Variants in QSOX1 observed in about 807,000 individuals in gnomAD.
The protein encoded by QSOX1 is sulfhydryl oxidase 1.
A neutral mutation model predicts 76.1 loss-of-function variants in QSOX1; 40 were observed. The observed-to-expected ratio is 0.53, with a 90% CI of 0.41 to 0.68. The LOEUF (loss-of-function observed/expected upper bound fraction) is 0.68, where lower values mean the gene tolerates loss of function less well. Ranked by LOEUF, QSOX1 falls within the 30% of genes least tolerant of loss-of-function variation. The pLI is 0.00. For synonymous variants in QSOX1, 392 were observed against 413.1 expected (o/e 0.95, Z 0.62); for missense variants, 931 against 974.3 (o/e 0.96, Z 0.59).
Position 180,196,921 on chromosome 1 carries a change from A to G in QSOX1, c.2128A>G (p.Ile710Val), listed in dbSNP as rs556438247. ...GGGAGGGGGCTTCTCTTACCTGGACATCAGCCTCTGTGTGGGGCTCTATTC... is the reference window on the plus strand; with the variant it reads ...GGGAGGGGGCTTCTCTTACCTGGACGTCAGCCTCTGTGTGGGGCTCTATTC... ...VLGGGFSYLD[I>V]SLCVGLYSLS... The change falls in exon 12 of 12, where the codon ATC becomes GTC. Residue 710 changes from isoleucine to valine, a missense_variant. Transcript: ENST00000367602. This position sits in a 1 kb window ranked among gnomAD's most constrained non-coding sequence, Gnocchi z 4.1. 72 of 1,597,554 alleles carry G rather than the reference A, an allele frequency of 4.5e-5. 1 individual carries two copies. The South Asian group carries it at 7.8e-4, about 17-fold the overall frequency.
chr1:180,185,969 C>T, intron 7 of QSOX1, 84 bp from the exon 8 acceptor site: 4 of 1,513,828 alleles, frequency 2.6e-6, no homozygotes, highest in Non-Finnish European at 2.8e-6. Flanking sequence ...CTTCTCTTCT[C>T]TCCCTTTAGC....
At chr1:180,175,263 G>T in intron 2 of QSOX1, 58 bp from the exon 3 acceptor site, 3 of 1,537,866 alleles carry the variant, frequency 2.0e-6, no homozygotes, top group East Asian at 2.2e-5. Context: ...GCAGGCCTGC[G>T]TGGCTGCACT....
At chr1:180,179,969 C>T (rs1348979514) in intron 5 of QSOX1, among the ~76,000 whole-genome samples, 1 of 152,218 alleles carries the variant, frequency 6.6e-6, no homozygotes, top group Non-Finnish European at 1.5e-5. Flanking sequence ...TTTTCCCTCC[C>T]CTCCCACCAC....
At chr1:180,193,839 G>A (rs959095008) in intron 10 of QSOX1, among the ~76,000 whole-genome samples, 2 of 152,166 alleles carry the variant, frequency 1.3e-5, no homozygotes, top group Non-Finnish European at 2.9e-5. Context: ...GGGCAGGGGA[G>A]GAAGGGCCAG....
At position 180,203,686 on chromosome 1, in the gene QSOX1, C is replaced by G. The variant is rs1221841537; in HGVS notation, c.*6649C>G. 1 of 152,198 alleles carries G rather than the reference C, an allele frequency of 6.6e-6. No homozygotes were observed. The highest frequency in any genetic ancestry group is 1.5e-5 in the Non-Finnish European group (1 of 68,040). The allele number at this position is 152,198 out of a possible 1,614,324, so 9.4% of individuals were successfully genotyped here. A position where few individuals can be genotyped will look rare whatever the true frequency, so the allele number is the denominator to read the frequency against. Reference sequence around the variant, plus strand: ...CCAAACCAATATGGAGTCATTCATGCTAAATGAAACTAGTTAGGAGTATAT... The same window carrying G: ...CCAAACCAATATGGAGTCATTCATGGTAAATGAAACTAGTTAGGAGTATAT... On this transcript the variant is annotated 3_prime_UTR_variant, in exon 12 of 12. Coordinates refer to ENST00000367602, the MANE Select transcript of QSOX1 (RefSeq NM_002826.5).
At position 180,203,086 on chromosome 1, in the gene QSOX1, TAAAAATAA is replaced by T. The variant is rs1663666569; in HGVS notation, c.*6059_*6066del. Reference sequence around the variant, plus strand: ...ACTCTGTCTCAAAAAAATAAAAAAATAAAAATAAAAAAATAAAGTAAAGCTACATATTT... The same window carrying T: ...ACTCTGTCTCAAAAAAATAAAAAAATAAAAATAAAGTAAAGCTACATATTT... On this transcript the variant is annotated 3_prime_UTR_variant, in exon 12 of 12. Transcript: ENST00000367602. 6.6e-6 allele frequency: 1 copy of T among 151,090 alleles called. No individual in the cohort carries two copies. Among genetic ancestry groups the T allele is most frequent in the Non-Finnish European group, 1.5e-5 (1 of 67,814 alleles). 9.4% of individuals were successfully genotyped at this position (151,090 alleles called of 1,614,324 possible).
At chr1:180,169,830 C>T (rs773888811) in intron 2 of QSOX1, among the ~76,000 whole-genome samples, 9 of 152,222 alleles carry the variant, frequency 5.9e-5, no homozygotes, top group Admixed American at 2.0e-4. Flanking sequence ...CAGTGAGAGG[C>T]GGCCAGGGAT....
intron 3 of QSOX1, 105 bp downstream of exon 3, chr1:180,175,471 C>T (rs1662866859): frequency 4.7e-6 from 6 of 1,263,608 alleles, no homozygotes; most frequent in African/African-American, 1.5e-5. Context: ...TCGGCAGGGT[C>T]GAGGGTGAGG....
At chr1:180,162,010 A>G (rs1312715300) in intron 1 of QSOX1, among the ~76,000 whole-genome samples, 1 of 152,250 alleles carries the variant, frequency 6.6e-6, no homozygotes, top group Admixed American at 6.5e-5. Context: ...AATTAACTGT[A>G]GACAATAAGA....
In QSOX1 at chr1:180,169,488, G is replaced by A. The variant is rs796131765; in HGVS notation, c.366+2897G>A. Among the ~76,000 whole-genome samples the A allele has an allele frequency of 2.4e-4, 36 of 152,372 alleles. 1 individual carries two copies. The highest frequency in any genetic ancestry group is 6.7e-4 in the African/African-American group (28 of 41,578). On this transcript the variant is annotated intron_variant, in intron 2 of 11. Transcript: ENST00000367602. ...AAAGTCACTTATCAGTGCCCCAGCC[G>A]TGGGCCCCAGTTTCCTTGTCTGTAA... is the stretch of plus-strand genomic sequence containing the variant.
At chr1:180,176,062 A>G (rs1381570774) in intron 4 of QSOX1, 29 bp downstream of exon 4, 6 of 1,529,082 alleles carry the variant, frequency 3.9e-6, no homozygotes, top group Non-Finnish European at 5.3e-6. Flanking sequence ...GGCTTAGTGC[A>G]TTGTGGGCCA....
chr1:180,178,742 T>C (rs923396101), intron 4 of QSOX1, 52 bp from the exon 5 acceptor site: 21 of 1,549,900 alleles, frequency 1.4e-5, no homozygotes, highest in Non-Finnish European at 1.9e-5. Flanking sequence ...CCAGCGGTTT[T>C]GTCTTATTTC....
chr1:180,161,380 C>T (rs542091346), intron 1 of QSOX1, among the ~76,000 whole-genome samples: 1 of 152,214 alleles, frequency 6.6e-6, no homozygotes, highest in East Asian at 1.9e-4. Flanking sequence ...CAACCCAAGC[C>T]CAACTTCAGA....
At chr1:180,190,027 T>G (rs1273791041) in intron 9 of QSOX1, among the ~76,000 whole-genome samples, 1 of 152,194 alleles carries the variant, frequency 6.6e-6, no homozygotes, top group African/African-American at 2.4e-5. Flanking sequence ...CTGTGCTGCC[T>G]CTTAGTTTGT....
At chr1:180,189,459 C>A (rs533528461) in intron 8 of QSOX1, 93 bp from the exon 9 acceptor site, 4 of 830,942 alleles carry the variant, frequency 4.8e-6, no homozygotes, top group Admixed American at 7.0e-5. Context: ...CCCCGCCCCC[C>A]GCCTTCTTCT....
intron 4 of QSOX1, 110 bp from the exon 5 acceptor site, chr1:180,178,684 G>A (rs1309829399): frequency 1.1e-6 from 1 of 924,512 alleles, no homozygotes; most frequent in African/African-American, 1.6e-5. Flanking sequence ...AGCGGAGGAG[G>A]GCGGGATGGC....
intron 2 of QSOX1, among the ~76,000 whole-genome samples, chr1:180,168,809 T>C (rs1319503038): frequency 6.6e-6 from 1 of 152,228 alleles, no homozygotes; most frequent in Admixed American, 6.5e-5. Context: ...CTGTGTGCCC[T>C]TGGCAGAGGC....
intron 1 of QSOX1, among the ~76,000 whole-genome samples, chr1:180,155,532 G>T (rs3767199): frequency 0.39 from 59,109 of 151,962 alleles, 12,407 homozygotes; most frequent in African/African-American, 0.54. Flanking sequence ...CGTTTCCTGG[G>T]CCAGCCTTGT....
intron 5 of QSOX1, 29 bp downstream of exon 5, chr1:180,178,913 C>T: frequency 6.3e-7 from 1 of 1,583,632 alleles, no homozygotes; most frequent in Non-Finnish European, 8.7e-7. Context: ...CCCTGCAATT[C>T]TTGGATAGCC....
Sources: gnomAD v4.1 joint callset for allele counts (sites outside exome capture counted in the v4.1 genomes callset) on GRCh38, gnomAD v4.1.1 for gene constraint, Gnocchi (gnomAD v3.1) non-coding constraint, MANE v1.5 for transcripts, NCBI Gene and HGNC (gene_info 2026-07-23, HGNC 2026-07-21) for gene names.